The following PCDHA9 variants were observed in gnomAD, a reference collection of about 807,000 sequenced individuals.
PCDHA9 encodes the protein protocadherin alpha 9, also known as protocadherin alpha-9.
A neutral mutation model predicts 62.0 loss-of-function variants in PCDHA9; 62 were observed. The observed-to-expected ratio is 1.00, with a 90% CI of 0.81 to 1.23. The LOEUF (loss-of-function observed/expected upper bound fraction) is 1.23. Ranked by LOEUF, PCDHA9 falls within the 50% of genes most tolerant of loss-of-function variation. The pLI, the probability that PCDHA9 is intolerant of heterozygous loss-of-function variation, is 0.00. For synonymous variants in PCDHA9, 557 were observed against 567.6 expected (o/e 0.98, Z 0.27); for missense variants, 1,205 against 1,249.8 (o/e 0.96, Z 0.54).
At chr5:140,941,214 C>CCTTTCTTTCTTCCTTTCTTT (rs2092876516) in intron 1 of PCDHA9, among the ~76,000 whole-genome samples, 18 of 122,412 alleles carry the variant, frequency 1.5e-4, no homozygotes, top group Non-Finnish European at 2.9e-4. Context: ...TTTCTTTCTT[C>CCTTTCTTTCTTCCTTTCTTT]CTTTCTTTCT....
In PCDHA9 at chr5:140,849,904, C is replaced by A; in HGVS notation, c.1409C>A (p.Pro470Gln). The A allele has an allele frequency of 6.3e-7, 1 of 1,598,318 alleles. No homozygotes were observed. The highest frequency in any genetic ancestry group is 8.6e-7 in the Non-Finnish European group (1 of 1,167,792). Residue 470 changes from proline to glutamine, a missense_variant, in exon 1 of 4, where the codon CCG becomes CAG. Physicochemically the swap from Pro to Gln is moderately conservative, Grantham distance 76 (BLOSUM62 -1). Transcript: ENST00000532602. ...YTVFVKENNPPGCHIFTVSAR... is the reference protein window; with the variant it reads ...YTVFVKENNPQGCHIFTVSAR... The stretch of plus-strand genomic sequence containing the variant: ...GTGTTCGTGAAGGAGAACAACCCGC[C>A]GGGCTGCCACATCTTCACGGTGTCT...
intron 3 of PCDHA9, among the ~76,000 whole-genome samples, chr5:140,984,315 C>G (rs1254013417): frequency 1.3e-5 from 2 of 152,124 alleles, no homozygotes; most frequent in African/African-American, 4.8e-5. Flanking sequence ...GTGTGTATTC[C>G]TAGGCAAATG....
At chr5:140,985,386 T>A (rs2097149117) in intron 3 of PCDHA9, among the ~76,000 whole-genome samples, 1 of 152,170 alleles carries the variant, frequency 6.6e-6, no homozygotes, top group African/African-American at 2.4e-5. Context: ...TATAATCCAG[T>A]CACCCCAACT....
chr5:140,963,301 A>T (rs2095755158), intron 1 of PCDHA9, among the ~76,000 whole-genome samples: 1 of 152,238 alleles, frequency 6.6e-6, no homozygotes, highest in Non-Finnish European at 1.5e-5. Flanking sequence ...GAGAGAAAAT[A>T]AGAAGCTGTT....
In PCDHA9 at chr5:140,928,891, T is replaced by A. The variant is rs1299939193; in HGVS notation, c.2395-50058T>A. On this transcript the variant is annotated intron_variant, in intron 1 of 3. Coordinates refer to ENST00000532602, the MANE Select transcript of PCDHA9 (RefSeq NM_031857.2). ...CTCTGTCCCTCAGTTACTTCCAGAC[T>A]TTGAAGATGTCTGGGAACCAGGAGG... 1.2e-6 allele frequency: 2 copies of A among 1,614,066 alleles called. No individual in the cohort carries two copies. The highest frequency in any genetic ancestry group is 2.7e-5 in the African/African-American group (2 of 74,942).
At chr5:140,978,897 G>A in intron 1 of PCDHA9, 52 bp from the exon 2 acceptor site, 2 of 1,612,776 alleles carry the variant, frequency 1.2e-6, no homozygotes, top group South Asian at 1.1e-5. Flanking sequence ...AGCATTCCTG[G>A]GAGAACATTG....
intron 1 of PCDHA9, chr5:140,883,985 G>A (rs782534317): frequency 1.2e-6 from 2 of 1,612,814 alleles, no homozygotes; most frequent in Admixed American, 1.7e-5. Context: ...GGCTGGCAGC[G>A]CGGGAGGCAC....
intron 1 of PCDHA9, among the ~76,000 whole-genome samples, chr5:140,879,347 T>A (rs530902728): frequency 3.3e-5 from 5 of 152,206 alleles, no homozygotes; most frequent in Admixed American, 2.0e-4. Context: ...GCTGAGAAGA[T>A]GACATTGCCA....
intron 3 of PCDHA9, among the ~76,000 whole-genome samples, chr5:141,001,477 A>T (rs2098020508): frequency 6.6e-6 from 1 of 152,176 alleles, no homozygotes; most frequent in South Asian, 2.1e-4. Flanking sequence ...AGCAGCGGGG[A>T]AGTGCTGGAA....
At chr5:140,863,157 C>A (rs782159779) in intron 1 of PCDHA9, 7 of 638,840 alleles carry the variant, frequency 1.1e-5, no homozygotes, top group South Asian at 5.4e-5. Flanking sequence ...AGGACCACTG[C>A]GAGCTGGCGC....
At chr5:140,883,989 G>C (rs1554180956) in intron 1 of PCDHA9, 1 of 1,612,834 alleles carries the variant, frequency 6.2e-7, no homozygotes, top group Non-Finnish European at 8.5e-7. Flanking sequence ...GGCAGCGCGG[G>C]AGGCACAGTG....
chr5:140,853,975 C>A, intron 1 of PCDHA9: 1 of 594,170 alleles, frequency 1.7e-6, no homozygotes, highest in Non-Finnish European at 2.2e-6. Flanking sequence ...CAGTTTGAGA[C>A]CAATGTAGTG....
chr5:140,913,103 G>A (rs2076206771), intron 1 of PCDHA9, among the ~76,000 whole-genome samples: 1 of 152,144 alleles, frequency 6.6e-6, no homozygotes, highest in Admixed American at 6.5e-5. Context: ...TGGCCTCATA[G>A]AATCAGTTTG....
chr5:140,999,056 C>T (rs1256829495), intron 3 of PCDHA9, among the ~76,000 whole-genome samples: 4 of 152,212 alleles, frequency 2.6e-5, no homozygotes, highest in Non-Finnish European at 5.9e-5. Context: ...TCCACCATGC[C>T]TAAGTAGTCT....
intron 1 of PCDHA9, chr5:140,875,698 G>T: frequency 6.2e-7 from 1 of 1,614,084 alleles, no homozygotes; most frequent in Non-Finnish European, 8.5e-7. Flanking sequence ...GGACCTTCTG[G>T]AGGTAAATCT....
chr5:140,869,973 C>A (rs782664221), intron 1 of PCDHA9: 2 of 1,613,100 alleles, frequency 1.2e-6, no homozygotes, highest in Admixed American at 1.7e-5. Context: ...ATGGAAGACA[C>A]TTATTTACAC....
chr5:140,978,377 G>A (rs1382683424), intron 1 of PCDHA9, among the ~76,000 whole-genome samples: 3 of 152,212 alleles, frequency 2.0e-5, no homozygotes, highest in Non-Finnish European at 4.4e-5. Context: ...GCAATAGTTT[G>A]TTTTCCTCTC....
intron 1 of PCDHA9, among the ~76,000 whole-genome samples, chr5:140,890,832 T>G (rs1554184561): frequency 6.6e-6 from 1 of 152,220 alleles, no homozygotes; most frequent in African/African-American, 2.4e-5. Context: ...ACTTACATAT[T>G]TACCAGTTTT....
intron 3 of PCDHA9, among the ~76,000 whole-genome samples, chr5:140,999,645 G>C (rs1417751593): frequency 6.6e-6 from 1 of 152,156 alleles, no homozygotes; most frequent in Non-Finnish European, 1.5e-5. Context: ...AAACTGTGCA[G>C]CCTGAGCCCT....
Sources: allele counts gnomAD v4.1 joint callset (sites outside exome capture counted in the v4.1 genomes callset), GRCh38; gene constraint gnomAD v4.1.1; transcripts MANE v1.5; gene names NCBI Gene and HGNC (gene_info 2026-07-23, HGNC 2026-07-21).